The following PTPRG variants were observed in gnomAD, a reference collection of about 807,000 sequenced individuals.
The protein encoded by PTPRG is receptor-type tyrosine-protein phosphatase gamma.
A neutral mutation model predicts 165.3 loss-of-function variants in PTPRG; 102 were observed. The ratio of observed to expected loss-of-function variants is 0.62; its 90% CI spans 0.53 to 0.73. PTPRG has a LOEUF of 0.73. PTPRG is among the 30% of genes least tolerant of loss of function. PTPRG has a pLI of 0.00. For synonymous variants in PTPRG, 675 were observed against 669.5 expected, an observed-to-expected ratio of 1.01 and a Z score of -0.13; for missense variants, 1,866 against 1,861.4, an observed-to-expected ratio of 1.00 and a Z score of -0.05.
chr3:62,032,074 G>A (rs997566112), intron 4 of PTPRG, among the ~76,000 whole-genome samples: 1 of 152,226 alleles, frequency 6.6e-6, no homozygotes, highest in African/African-American at 2.4e-5. Context: ...TCCTGGGACA[G>A]ATGGATTGAG....
chr3:62,005,816 C>T (rs1328222661), intron 4 of PTPRG, among the ~76,000 whole-genome samples: 2 of 150,938 alleles, frequency 1.3e-5, no homozygotes, highest in East Asian at 3.9e-4. Flanking sequence ...AATTCTCCTG[C>T]CCCAGCTTCC....
At chr3:61,858,810 G>A (rs1426695427) in intron 2 of PTPRG, among the ~76,000 whole-genome samples, 1 of 152,170 alleles carries the variant, frequency 6.6e-6, no homozygotes, top group Non-Finnish European at 1.5e-5. Context: ...GGAGAAGACT[G>A]TAAGTTGAAA....
intron 2 of PTPRG, among the ~76,000 whole-genome samples, chr3:61,904,391 T>C (rs1041092399): frequency 7.2e-5 from 11 of 152,160 alleles, no homozygotes; most frequent in African/African-American, 2.7e-4. Flanking sequence ...TGGTTTCCAG[T>C]GCTGTGTTTT....
intron 2 of PTPRG, among the ~76,000 whole-genome samples, chr3:61,828,212 C>T (rs1414601438): frequency 1.3e-5 from 2 of 152,184 alleles, no homozygotes; most frequent in African/African-American, 4.8e-5. Flanking sequence ...CAATAATTGT[C>T]ACTCACTTTT....
rs557718573 is a variant in PTPRG at position 61,733,101 on chromosome 3, G to A, written c.86-15777G>A. Among the ~76,000 whole-genome samples, 3 of 152,230 alleles carry A rather than the reference G, an allele frequency of 2.0e-5. No individual in the cohort carries two copies. The South Asian group carries it at 6.2e-4, about 32-fold the overall frequency. ...GTGTTTCTTGTGGGACACAGGGTTG[G>A]GCATTTAAGTACCTAGTAGTGTTCT... On this transcript the variant is annotated intron_variant, in intron 1 of 29. Coordinates refer to ENST00000474889, the MANE Select transcript of PTPRG (RefSeq NM_002841.4).
chr3:62,071,518 C>A (rs1701210063), intron 4 of PTPRG, among the ~76,000 whole-genome samples: 1 of 152,130 alleles, frequency 6.6e-6, no homozygotes, highest in Admixed American at 6.5e-5. Flanking sequence ...CCACTCATTG[C>A]CTTATGCTTT....
chr3:61,752,802 G>GAAAAAAA (rs532651498), intron 2 of PTPRG, among the ~76,000 whole-genome samples: 5 of 103,684 alleles, frequency 4.8e-5, no homozygotes, highest in East Asian at 5.7e-4. Context: ...AAAAAAAAAA[G>GAAAAAAA]AAAAAAAAAA....
chr3:61,833,365 C>T (rs999048799), intron 2 of PTPRG, among the ~76,000 whole-genome samples: 13 of 152,110 alleles, frequency 8.5e-5, no homozygotes, highest in African/African-American at 2.9e-4. Flanking sequence ...CAGAAGAAAT[C>T]TCTAGGGCTT....
intron 1 of PTPRG, among the ~76,000 whole-genome samples, chr3:61,698,319 A>G (rs1306854304): frequency 6.6e-6 from 1 of 152,206 alleles, no homozygotes; most frequent in Non-Finnish European, 1.5e-5. Flanking sequence ...AGGGCCACAT[A>G]GAACATGTTT....
At chr3:61,660,386 C>A (rs931784896) in intron 1 of PTPRG, among the ~76,000 whole-genome samples, 5 of 152,160 alleles carry the variant, frequency 3.3e-5, no homozygotes, top group African/African-American at 1.2e-4. Context: ...TGTGGTTAAA[C>A]TTCTTTTTTT....
intron 2 of PTPRG, among the ~76,000 whole-genome samples, chr3:61,772,530 C>G (rs974496006): frequency 2.0e-5 from 3 of 152,026 alleles, no homozygotes; most frequent in African/African-American, 7.2e-5. Flanking sequence ...TTCCCCCAAG[C>G]CTACTTTCCT....
intron 1 of PTPRG, among the ~76,000 whole-genome samples, chr3:61,588,285 A>G (rs1407643980): frequency 6.6e-6 from 1 of 151,892 alleles, no homozygotes; most frequent in Non-Finnish European, 1.5e-5. Context: ...TTGAACATAT[A>G]CCCCTATTAT....
chr3:62,026,718 CT>C (rs2041811441), intron 4 of PTPRG, among the ~76,000 whole-genome samples: 2 of 151,888 alleles, frequency 1.3e-5, no homozygotes. Flanking sequence ...AACCCCGTCC[CT>C]ACTAAAAATA....
Position 62,275,941 on chromosome 3 carries a change from G to C in PTPRG, c.3534G>C (p.Lys1178Asn). 6.2e-7 allele frequency: 1 copy of C among 1,610,636 alleles called. No homozygotes were observed. ...FSAQKECNKEKNRNSSVVPSE... is the reference protein window; with the variant it reads ...FSAQKECNKENNRNSSVVPSE... ...CTCAGAAAGAGTGTAACAAAGAAAA[G>C]AACAGAAACTCTTCAGTTGTGCCAT... Residue 1178 changes from lysine (K) to asparagine (N), a missense_variant, in exon 24 of 30, where the codon AAG becomes AAC. This residue lies in a region of PTPRG where 1,452 missense variants were observed against 1,463.0 expected (regional missense o/e 0.99). Coordinates refer to ENST00000474889, the MANE Select transcript of PTPRG (RefSeq NM_002841.4).
At chr3:61,818,308 T>C (rs1248112893) in intron 2 of PTPRG, among the ~76,000 whole-genome samples, 1 of 152,158 alleles carries the variant, frequency 6.6e-6, no homozygotes, top group East Asian at 1.9e-4. Flanking sequence ...AAGAACGTTA[T>C]ACATTAGTTT....
At chr3:62,162,959 C>G (rs1162726817) in intron 7 of PTPRG, among the ~76,000 whole-genome samples, 1 of 152,150 alleles carries the variant, frequency 6.6e-6, no homozygotes, top group African/African-American at 2.4e-5. Context: ...GTTTAATTGG[C>G]TCTGCAGGAG....
At chr3:61,799,592 C>T (rs2035171385) in intron 2 of PTPRG, among the ~76,000 whole-genome samples, 1 of 152,184 alleles carries the variant, frequency 6.6e-6, no homozygotes, top group East Asian at 1.9e-4. Context: ...CTCATAATTA[C>T]ATGGGGCTTA....
chr3:61,634,279 C>T (rs1280686636), intron 1 of PTPRG, among the ~76,000 whole-genome samples: 2 of 152,066 alleles, frequency 1.3e-5, no homozygotes, highest in African/African-American at 4.8e-5. Flanking sequence ...CTACTGTCAT[C>T]TGGGCTGGAG....
chr3:62,094,005 G>T (rs150875128), intron 5 of PTPRG, among the ~76,000 whole-genome samples: 2 of 152,280 alleles, frequency 1.3e-5, no homozygotes, highest in East Asian at 1.9e-4. Flanking sequence ...TATTAAGGAA[G>T]AAAACTTTGT....
Sources: gnomAD v4.1 joint callset for allele counts (sites outside exome capture counted in the v4.1 genomes callset) on GRCh38, gnomAD v4.1.1 for gene constraint, gnomAD v4.1.1 regional missense constraint, MANE v1.5 for transcripts, NCBI Gene and HGNC (gene_info 2026-07-23, HGNC 2026-07-21) for gene names.